AAK1: variants seen among roughly 807,000 people sequenced by gnomAD.
AAK1 encodes AP2 associated kinase 1, also known as AP2-associated protein kinase 1.
AAK1 carries 37 observed loss-of-function variants against 116.0 expected under a neutral mutation model. The ratio of observed to expected loss-of-function variants is 0.32; its 90% CI spans 0.25 to 0.42. The LOEUF (loss-of-function observed/expected upper bound fraction) is 0.42. AAK1 is among the 10% of genes least tolerant of loss of function. The pLI is 1.00. For synonymous variants in AAK1, 458 were observed against 439.9 expected, an observed-to-expected ratio of 1.04 and a Z score of -0.51; for missense variants, 919 against 1,170.6, an observed-to-expected ratio of 0.79 and a Z score of 3.14.
At chr2:69,507,351 C>A in intron 15 of AAK1, 70 bp downstream of exon 15, 1 of 1,536,468 alleles carries the variant, frequency 6.5e-7, no homozygotes, top group East Asian at 2.3e-5. Context: ...GATTCTTTCT[C>A]ATTCCTGGTT....
intron 2 of AAK1, among the ~76,000 whole-genome samples, chr2:69,563,587 A>G (rs190972220): frequency 7.2e-5 from 11 of 152,302 alleles, no homozygotes; most frequent in Admixed American, 2.0e-4. Context: ...CTTGTCTGAG[A>G]TGGAAAGATG....
Position 69,474,881 on chromosome 2 carries a change from TTTATACACA to T in AAK1, c.*979_*987del. The T allele has an allele frequency of 2.0e-6, 2 of 985,746 alleles. No individual in the cohort carries two copies. The highest frequency in any genetic ancestry group is 2.4e-6 in the Non-Finnish European group (2 of 829,874). The allele number at this position is 985,746 out of a possible 1,614,324, so 61.1% of individuals were successfully genotyped here. On this transcript the variant is annotated 3_prime_UTR_variant, in exon 22 of 22. Transcript: ENST00000409085. ...GAAACAGAACTATTCAGCATCTTCATTTATACACAATTTACAATATTTGATTCAAAATAA... is the reference window on the plus strand; with the variant it reads ...GAAACAGAACTATTCAGCATCTTCATATTTACAATATTTGATTCAAAATAA...
chr2:69,616,106 C>T (rs11888729), intron 2 of AAK1, among the ~76,000 whole-genome samples: 13,121 of 152,122 alleles, frequency 0.086, 1,596 homozygotes, highest in African/African-American at 0.27. Flanking sequence ...CTTTCCTTTT[C>T]GGGCGATGAA....
chr2:69,534,379 G>T (rs1670377563), intron 5 of AAK1, among the ~76,000 whole-genome samples: 1 of 152,212 alleles, frequency 6.6e-6, no homozygotes, highest in African/African-American at 2.4e-5. Flanking sequence ...TATAGTAGGG[G>T]AGACAATACT....
rs1473238215 is a variant in AAK1, at chr2:69,465,681, GCTT to G, written c.*10185_*10187del. The stretch of plus-strand genomic sequence containing the variant: ...TTTGCCAGCCATGGGGCCTGAGACA[GCTT>G]CTTTCTGGAGCTGAGGTCCTTTGTT... On this transcript the variant is annotated 3_prime_UTR_variant, in exon 22 of 22. Coordinates refer to ENST00000409085, the MANE Select transcript of AAK1 (RefSeq NM_014911.5). 1 of 1,290,826 alleles carries G rather than the reference GCTT, an allele frequency of 7.7e-7. No homozygotes were observed. Among genetic ancestry groups the G allele is most frequent in the Non-Finnish European group, 1.0e-6 (1 of 988,892 alleles). 80.0% of individuals were successfully genotyped at this position (1,290,826 alleles called of 1,614,324 possible).
At chr2:69,548,728 C>G (rs547262418) in intron 3 of AAK1, among the ~76,000 whole-genome samples, 1 of 152,208 alleles carries the variant, frequency 6.6e-6, no homozygotes, top group African/African-American at 2.4e-5. Context: ...CCTCAGCCTC[C>G]CAAGTAGCTG....
chr2:69,488,799 A>C (rs949754908), intron 17 of AAK1, among the ~76,000 whole-genome samples: 3 of 151,532 alleles, frequency 2.0e-5, no homozygotes, highest in Admixed American at 2.0e-4. Context: ...GAGGTACACA[A>C]GGTACTAAGA....
intron 3 of AAK1, among the ~76,000 whole-genome samples, chr2:69,551,264 AT>A (rs1378790275): frequency 1.3e-5 from 2 of 152,282 alleles, no homozygotes; most frequent in South Asian, 2.1e-4. Context: ...GAGAGAGAGC[AT>A]CAGGAAGAAT....
intron 2 of AAK1, among the ~76,000 whole-genome samples, chr2:69,605,551 C>A (rs2105204999): frequency 6.6e-6 from 1 of 152,272 alleles, no homozygotes; most frequent in East Asian, 1.9e-4. Flanking sequence ...AACTATGGTA[C>A]AACGTCAAAA....
intron 2 of AAK1, among the ~76,000 whole-genome samples, chr2:69,596,515 C>A (rs763400355): frequency 4.6e-5 from 7 of 152,178 alleles, no homozygotes; most frequent in Non-Finnish European, 1.0e-4. Flanking sequence ...GGCCACCATG[C>A]CCGGGGAATT....
chr2:69,514,385 C>T (rs1046876232), intron 13 of AAK1, 86 bp downstream of exon 13: 162 of 1,445,604 alleles, frequency 1.1e-4, no homozygotes, highest in Middle Eastern at 2.4e-4. Flanking sequence ...CCCTCATCAG[C>T]TGCTGCCATC....
intron 2 of AAK1, among the ~76,000 whole-genome samples, chr2:69,625,795 T>G (rs2105247509): frequency 6.6e-6 from 1 of 152,338 alleles, no homozygotes; most frequent in Non-Finnish European, 1.5e-5. Context: ...AACATCTCTT[T>G]TCCAACAATG....
At position 69,475,762 on chromosome 2, in the gene AAK1, C is replaced by T. The variant is rs956784279; in HGVS notation, c.*107G>A. The T allele has an allele frequency of 6.7e-7, 1 of 1,483,462 alleles. No homozygotes were observed. Among genetic ancestry groups the T allele is most frequent in the Admixed American group, 2.1e-5 (1 of 47,010 alleles). The allele number at this position is 1,483,462 out of a possible 1,614,324, so 91.9% of individuals were successfully genotyped here. ...GGTAGGAGAAAAGGGCTGGAGGGCC[C>T]CTTATTTGCAGATTTTTTTAAAAAA... is the stretch of plus-strand genomic sequence containing the variant. On this transcript the variant is annotated 3_prime_UTR_variant, in exon 22 of 22. Coordinates refer to ENST00000409085, the MANE Select transcript of AAK1 (RefSeq NM_014911.5).
chr2:69,591,684 C>A (rs1673041419), intron 2 of AAK1, among the ~76,000 whole-genome samples: 1 of 151,922 alleles, frequency 6.6e-6, no homozygotes, highest in Non-Finnish European at 1.5e-5. Context: ...GATTCTCCTG[C>A]CTCAGCCTCC....
intron 13 of AAK1, among the ~76,000 whole-genome samples, chr2:69,513,858 G>A (rs1409529109): frequency 1.3e-5 from 2 of 152,180 alleles, no homozygotes; most frequent in South Asian, 4.1e-4. Flanking sequence ...TCAGACGAGG[G>A]GTTCTGATGC....
rs1451992190 is a variant in AAK1, at chr2:69,464,035, A to C, written c.*11834T>G. On this transcript the variant is annotated 3_prime_UTR_variant, in exon 22 of 22. Transcript: ENST00000409085. ...CTTTCCAGAAATAAAAGACAATTTT[A>C]AAAAACATCAGTTAACCTGTCTGGC... The C allele has an allele frequency of 1.3e-5, 2 of 152,676 alleles. No individual in the cohort carries two copies. Among genetic ancestry groups the C allele is most frequent in the African/African-American group, 4.8e-5 (2 of 41,456 alleles). 9.5% of individuals were successfully genotyped at this position (152,676 alleles called of 1,614,324 possible).
chr2:69,526,126 C>T (rs1041184669), intron 9 of AAK1, among the ~76,000 whole-genome samples: 8 of 152,156 alleles, frequency 5.3e-5, no homozygotes, highest in African/African-American at 1.4e-4. Context: ...TGAGCTGGTC[C>T]GGTTTGCTTT....
rs545448448 is a variant in AAK1, at chr2:69,505,238, G to A, written c.2269+331C>T. Among the ~76,000 whole-genome samples the A allele has an allele frequency of 1.6e-4, 24 of 152,118 alleles. No homozygotes were observed. The East Asian group carries it at 4.6e-3, about 29-fold the overall frequency. ...ATCTCAGAAACCTAAGAAATTACAA[G>A]CAATGAACACTGGGTGTTTCTTAAA... On this transcript the variant is annotated intron_variant, in intron 16 of 21. Transcript: ENST00000409085.
rs1674569429 is a variant in AAK1 at position 69,468,616 on chromosome 2, A to G, written c.*7253T>C. On this transcript the variant is annotated 3_prime_UTR_variant, in exon 22 of 22. Transcript: ENST00000409085. ...CATACAGGTCAATAATCCAATGAACACTAGTTTGAACAGAGTCAGTGTTTT... is the reference window on the plus strand; with the variant it reads ...CATACAGGTCAATAATCCAATGAACGCTAGTTTGAACAGAGTCAGTGTTTT... 1 of 985,346 alleles carries G rather than the reference A, an allele frequency of 1.0e-6. No homozygotes were observed. Among genetic ancestry groups the G allele is most frequent in the Non-Finnish European group, 1.2e-6 (1 of 829,942 alleles). The allele number at this position is 985,346 out of a possible 1,614,324, so 61.0% of individuals were successfully genotyped here. A position where few individuals can be genotyped will look rare whatever the true frequency, so the allele number is the denominator to read the frequency against.
Sources: gnomAD v4.1 joint callset for allele counts (sites outside exome capture counted in the v4.1 genomes callset) on GRCh38, gnomAD v4.1.1 for gene constraint, MANE v1.5 for transcripts, NCBI Gene and HGNC (gene_info 2026-07-23, HGNC 2026-07-21) for gene names.